MED12L: variants seen among roughly 807,000 people sequenced by gnomAD.
The protein encoded by MED12L is mediator complex subunit 12L.
Under a neutral mutation model 281.3 loss-of-function variants are expected in MED12L, and 60 were observed. That is an observed-to-expected ratio of 0.21 (90% CI 0.17 to 0.26). MED12L has a LOEUF of 0.26. Ranked by LOEUF, MED12L falls within the 10% of genes least tolerant of loss-of-function variation. The probability of loss-of-function intolerance (pLI) is 1.00; values close to 1 mark genes in which losing one functional copy is unlikely to be tolerated. For synonymous variants in MED12L, 974 were observed against 987.2 expected, an observed-to-expected ratio of 0.99 and a Z score of 0.25; for missense variants, 2,146 against 2,680.9, an observed-to-expected ratio of 0.80 and a Z score of 4.41.
At chr3:151,157,961 A>C (rs1264321241) in intron 6 of MED12L, among the ~76,000 whole-genome samples, 1 of 152,222 alleles carries the variant, frequency 6.6e-6, no homozygotes, top group Non-Finnish European at 1.5e-5. Context: ...CTATATGTGC[A>C]TAGAATGTCA....
intron 11 of MED12L, among the ~76,000 whole-genome samples, chr3:151,181,819 C>T (rs1350820013): frequency 6.6e-6 from 1 of 152,002 alleles, no homozygotes; most frequent in African/African-American, 2.4e-5. Context: ...CTCCTAACCT[C>T]AGGTGATCTG....
chr3:151,291,445 C>G (rs1744253918), intron 16 of MED12L, among the ~76,000 whole-genome samples: 1 of 152,094 alleles, frequency 6.6e-6, no homozygotes, highest in African/African-American at 2.4e-5. Context: ...TCTACAAGAT[C>G]AGTTTCTCTG....
intron 16 of MED12L, among the ~76,000 whole-genome samples, chr3:151,248,458 T>C (rs1736187777): frequency 6.6e-6 from 1 of 152,186 alleles, no homozygotes; most frequent in Non-Finnish European, 1.5e-5. Context: ...CTTTCTTCAG[T>C]ATATTCGTTC....
At chr3:151,310,047 G>T (rs1577299669) in intron 16 of MED12L, among the ~76,000 whole-genome samples, 1 of 152,148 alleles carries the variant, frequency 6.6e-6, no homozygotes, top group Non-Finnish European at 1.5e-5. Flanking sequence ...CTAATCAAAC[G>T]CTGGGCCTGC....
intron 16 of MED12L, among the ~76,000 whole-genome samples, chr3:151,302,566 T>C (rs1428747025): frequency 6.6e-6 from 1 of 152,236 alleles, no homozygotes; most frequent in Admixed American, 6.5e-5. Context: ...TTATTTCCAT[T>C]AATCTTTGCC....
At chr3:151,392,491 T>TAAAAAAAAAAAAAAAAA (rs1714391851) in intron 38 of MED12L, among the ~76,000 whole-genome samples, 1 of 130,234 alleles carries the variant, frequency 7.7e-6, no homozygotes. Flanking sequence ...AAAAAAAAAG[T>TAAAAAAAAAAAAAAAAA]AAAAATAAAT....
intron 16 of MED12L, among the ~76,000 whole-genome samples, chr3:151,297,684 T>C (rs895737684): frequency 6.6e-6 from 1 of 152,220 alleles, no homozygotes. Context: ...CAAGAACCCC[T>C]ACTTCACAGT....
chr3:151,193,370 A>T (rs1724231816), intron 15 of MED12L, 120 bp from the exon 16 acceptor site: 2 of 667,572 alleles, frequency 3.0e-6, no homozygotes, highest in African/African-American at 1.8e-5. Flanking sequence ...TTTTTTTGCT[A>T]AGTGGTTAAG....
intron 43 of MED12L, among the ~76,000 whole-genome samples, chr3:151,417,682 G>A (rs750783019): frequency 3.3e-5 from 5 of 152,010 alleles, no homozygotes; most frequent in Non-Finnish European, 5.9e-5. Context: ...TGGCCAGACT[G>A]TGGTCTTGAC....
At chr3:151,317,947 A>C (rs1748498306) in intron 16 of MED12L, among the ~76,000 whole-genome samples, 1 of 152,204 alleles carries the variant, frequency 6.6e-6, no homozygotes, top group African/African-American at 2.4e-5. Flanking sequence ...AATCTATAAT[A>C]GGTATTACTT....
intron 16 of MED12L, among the ~76,000 whole-genome samples, chr3:151,239,511 T>C (rs1733643026): frequency 6.6e-6 from 1 of 152,256 alleles, no homozygotes; most frequent in South Asian, 2.1e-4. Flanking sequence ...TGCAAAAATG[T>C]AGAATAACAT....
At chr3:151,115,719 A>G (rs1372148741) in intron 2 of MED12L, among the ~76,000 whole-genome samples, 1 of 151,678 alleles carries the variant, frequency 6.6e-6, no homozygotes, top group African/African-American at 2.4e-5. Flanking sequence ...TTCTTTTTCT[A>G]ACTTATAAGT....
chr3:151,269,472 G>A, intron 16 of MED12L: 1 of 265,024 alleles, frequency 3.8e-6, no homozygotes, highest in Non-Finnish European at 7.3e-6. Flanking sequence ...CAAGCCAGTG[G>A]GGAGATTGTG....
chr3:151,377,020 C>T lies in MED12L; in HGVS notation c.4158C>T (p.Asn1386=). 1 of 1,613,980 alleles carries T rather than the reference C, an allele frequency of 6.2e-7. No homozygotes were observed. The highest frequency in any genetic ancestry group is 8.5e-7 in the Non-Finnish European group (1 of 1,179,914). ...CTGGTTCTGTGGCCGAAATGAACAA[C>T]TTACTGGACAATATTGCAAAGGCAA... The part of the protein sequence containing the change: ...PGSGSVAEMN[N]LLDNIAKATI... Residue 1386 remains asparagine (N), a synonymous_variant, in exon 30 of 45, where the codon AAC becomes AAT. Transcript: ENST00000687756.
intron 16 of MED12L, chr3:151,213,691 A>G: frequency 6.2e-7 from 1 of 1,614,200 alleles, no homozygotes; most frequent in Non-Finnish European, 8.5e-7. Context: ...TTTCTTTGTG[A>G]TAGCAGTATA....
intron 38 of MED12L, among the ~76,000 whole-genome samples, chr3:151,392,987 T>C (rs1714482270): frequency 6.6e-6 from 1 of 152,264 alleles, no homozygotes; most frequent in African/African-American, 2.4e-5. Flanking sequence ...ATATATGTTC[T>C]GATTGTTGCT....
chr3:151,309,218 G>A (rs941956765), intron 16 of MED12L, among the ~76,000 whole-genome samples: 2 of 151,838 alleles, frequency 1.3e-5, no homozygotes, highest in Non-Finnish European at 2.9e-5. Flanking sequence ...CATTAATCAT[G>A]TTTTAAACAA....
intron 16 of MED12L, among the ~76,000 whole-genome samples, chr3:151,264,018 C>T (rs866951012): frequency 2.8e-4 from 42 of 152,226 alleles, no homozygotes; most frequent in African/African-American, 9.6e-4. Flanking sequence ...AACAGTATAT[C>T]ATGGTGACTT....
rs1203216197 is a variant in MED12L, at chr3:151,435,704, T to G, written c.*2900T>G. 6.6e-6 allele frequency: 1 copy of G among 152,124 alleles called. No homozygotes were observed. Among genetic ancestry groups the G allele is most frequent in the Non-Finnish European group, 1.5e-5 (1 of 68,030 alleles). 9.4% of individuals were successfully genotyped at this position (152,124 alleles called of 1,614,324 possible). A position where few individuals can be genotyped will look rare whatever the true frequency, so the allele number is the denominator to read the frequency against. On this transcript the variant is annotated 3_prime_UTR_variant, in exon 45 of 45. Transcript: ENST00000687756. The stretch of plus-strand genomic sequence containing the variant: ...ACCCCACCCCTAGATTTAGATAAGA[T>G]CAATCATTTAATATTCCCCAAATTA...
Sources: allele counts gnomAD v4.1 joint callset (sites outside exome capture counted in the v4.1 genomes callset), GRCh38; gene constraint gnomAD v4.1.1; transcripts MANE v1.5; gene names NCBI Gene and HGNC (gene_info 2026-07-23, HGNC 2026-07-21).